The following URGCP variants were observed in gnomAD, a reference collection of about 807,000 sequenced individuals.
URGCP encodes upregulator of cell proliferation.
A neutral mutation model predicts 24.6 loss-of-function variants in URGCP; 13 were observed. The observed-to-expected ratio is 0.53, with a 90% CI of 0.34 to 0.84. The LOEUF (loss-of-function observed/expected upper bound fraction) is 0.84, where lower values mean the gene tolerates loss of function less well. Among genes scored for constraint, URGCP ranks in the 40% least tolerant of loss-of-function variants. The probability of loss-of-function intolerance (pLI) is 0.01; values close to 1 mark genes in which losing one functional copy is unlikely to be tolerated. For missense variants in URGCP, 899 were observed against 1,194.3 expected (o/e 0.75, Z 3.64); for synonymous variants, 444 against 487.2 (o/e 0.91, Z 1.17).
At chr7:43,881,246 G>A in intron 5 of URGCP, 1 of 702,876 alleles carries the variant, frequency 1.4e-6, no homozygotes, top group South Asian at 1.5e-5. Flanking sequence ...TTGGCAGGTT[G>A]TTTGGAAGCT....
At chr7:43,906,519 G>A (rs2095903317) in intron 1 of URGCP, 43 bp downstream of exon 1, 1 of 1,198,470 alleles carries the variant, frequency 8.3e-7, no homozygotes, top group East Asian at 4.0e-5. Flanking sequence ...TCCCGTTCCT[G>A]CCGGCAGCCG....
In URGCP at chr7:43,884,478, G is replaced by A. The variant is rs193079994; in HGVS notation, c.113-2521C>T. 2.9e-3 allele frequency among the ~76,000 whole-genome samples: 445 copies of A among 152,332 alleles called. 3 individuals carry two copies. Among genetic ancestry groups the A allele is most frequent in the Admixed American group, 9.7e-3 (148 of 15,306 alleles). On this transcript the variant is annotated intron_variant, in intron 3 of 5. Coordinates refer to ENST00000453200, the MANE Select transcript of URGCP (RefSeq NM_001077663.3). ...ATAGGCCAGGCCCTACCACCATGGT[G>A]AGCCCAGGAATAACTGTTATGAGCC...
chr7:43,886,176 C>T (rs576682143), intron 3 of URGCP, among the ~76,000 whole-genome samples: 5 of 152,278 alleles, frequency 3.3e-5, no homozygotes, highest in Admixed American at 6.5e-5. Flanking sequence ...TCCATAGAGA[C>T]GGTGTCTCAC....
At chr7:43,887,937 C>A in intron 1 of URGCP, 121 bp from the exon 2 acceptor site, 2 of 635,396 alleles carry the variant, frequency 3.1e-6, no homozygotes, top group Non-Finnish European at 5.3e-6. Context: ...AATTCTGCAG[C>A]CATTAAAAAA....
At chr7:43,887,126 G>A (rs926998277) in intron 3 of URGCP, among the ~76,000 whole-genome samples, 7 of 152,082 alleles carry the variant, frequency 4.6e-5, no homozygotes, top group African/African-American at 1.7e-4. Context: ...GTTAAATTGT[G>A]TCATAATCAC....
chr7:43,901,221 T>C (rs1051797508), intron 1 of URGCP, among the ~76,000 whole-genome samples: 7 of 152,168 alleles, frequency 4.6e-5, no homozygotes, highest in African/African-American at 1.7e-4. Context: ...GACTGGAAAG[T>C]CCCTGTCACT....
chr7:43,910,139 C>T (rs543453060), upstream of URGCP, among the ~76,000 whole-genome samples: 10 of 152,096 alleles, frequency 6.6e-5, no homozygotes, highest in South Asian at 2.1e-3. Context: ...CTTTGGGAGG[C>T]CAAGGCAGAA....
chr7:43,905,469 G>A (rs992934656), intron 1 of URGCP, among the ~76,000 whole-genome samples: 3 of 152,106 alleles, frequency 2.0e-5, no homozygotes, highest in Non-Finnish European at 4.4e-5. Flanking sequence ...GACAGCAGGC[G>A]GGGTTCAAAT....
upstream of URGCP, chr7:43,926,601 C>A: frequency 1.3e-6 from 2 of 1,540,672 alleles, no homozygotes; most frequent in Non-Finnish European, 1.7e-6. Context: ...TCCGAAGCGT[C>A]GAGGTGTGGG....
upstream of URGCP, among the ~76,000 whole-genome samples, chr7:43,909,662 G>A (rs2095907877): frequency 6.6e-6 from 1 of 151,960 alleles, no homozygotes; most frequent in Non-Finnish European, 1.5e-5. Flanking sequence ...GGAGGTGGAG[G>A]CTGCAGTGAC....
chr7:43,876,609 C>A lies in URGCP; in HGVS notation c.*58G>T, dbSNP rs557013176. ...AGAGCACAGCCCCACACGGGTGCCCCATCAGACAGGGCTGCCCACAGCAGC... is the reference window on the plus strand; with the variant it reads ...AGAGCACAGCCCCACACGGGTGCCCAATCAGACAGGGCTGCCCACAGCAGC... On this transcript the variant is annotated 3_prime_UTR_variant, in exon 6 of 6. Coordinates refer to ENST00000453200, the MANE Select transcript of URGCP (RefSeq NM_001077663.3). 58 of 1,560,196 alleles carry A rather than the reference C, an allele frequency of 3.7e-5. No individual in the cohort carries two copies. The Admixed American group carries it at 1.0e-3, about 28-fold the overall frequency.
chr7:43,886,772 T>C (rs933367168), intron 3 of URGCP, among the ~76,000 whole-genome samples: 2 of 151,674 alleles, frequency 1.3e-5, no homozygotes, highest in African/African-American at 4.8e-5. Context: ...AAATAAAATA[T>C]CAAATAAAAT....
At chr7:43,905,618 C>A (rs1258501716) in intron 1 of URGCP, 1 of 152,158 alleles carries the variant, frequency 6.6e-6, no homozygotes, top group African/African-American at 2.4e-5. Flanking sequence ...ACTGAACACA[C>A]ACCTGTAAAG....
upstream of URGCP, among the ~76,000 whole-genome samples, chr7:43,908,702 T>C (rs1374285631): frequency 6.6e-6 from 1 of 152,250 alleles, no homozygotes; most frequent in African/African-American, 2.4e-5. Context: ...AGTAATCCTT[T>C]ATTGCCCCTT....
At position 43,902,640 on chromosome 7, in the gene URGCP, T is replaced by C. The variant is rs146707953; in HGVS notation, c.14+3922A>G. Among the ~76,000 whole-genome samples the C allele has an allele frequency of 2.2e-3, 334 of 152,338 alleles. 1 individual carries two copies. Among genetic ancestry groups the C allele is most frequent in the African/African-American group, 7.5e-3 (311 of 41,582 alleles). ...GAAGTTTCTATCTTTAAAGACCGGG[T>C]AAGCGAAGATGCCATTAGCATCCTA... On this transcript the variant is annotated intron_variant, in intron 1 of 5. Transcript: ENST00000453200.
chr7:43,879,570 T>C (rs2132650653), intron 5 of URGCP: 1 of 290,446 alleles, frequency 3.4e-6, no homozygotes, highest in East Asian at 6.9e-5. Flanking sequence ...GCCATATTTC[T>C]GGTCTTTCTA....
At chr7:43,886,437 T>C (rs1427293053) in intron 3 of URGCP, among the ~76,000 whole-genome samples, 2 of 152,170 alleles carry the variant, frequency 1.3e-5, no homozygotes, top group African/African-American at 4.8e-5. Context: ...AAGAAGAACC[T>C]AATTTATGAA....
chr7:43,899,927 G>A (rs1357945922), intron 1 of URGCP, among the ~76,000 whole-genome samples: 4 of 152,158 alleles, frequency 2.6e-5, no homozygotes, highest in Non-Finnish European at 5.9e-5. Context: ...TGGAGCCCAA[G>A]AGTTCAAGAA....
At chr7:43,897,569 GGAGGAA>G (rs1205876513) in intron 1 of URGCP, among the ~76,000 whole-genome samples, 1 of 152,042 alleles carries the variant, frequency 6.6e-6, no homozygotes, top group Non-Finnish European at 1.5e-5. Flanking sequence ...AAGGCTTTGG[GGAGGAA>G]GAGGAAGAGA....
Sources: allele counts gnomAD v4.1 joint callset (sites outside exome capture counted in the v4.1 genomes callset), GRCh38; gene constraint gnomAD v4.1.1; transcripts MANE v1.5; gene names NCBI Gene and HGNC (gene_info 2026-07-23, HGNC 2026-07-21).